Variants in THADA observed in about 807,000 individuals in gnomAD.
THADA encodes THADA armadillo repeat containing.
THADA carries 213 observed loss-of-function variants against 219.8 expected under a neutral mutation model. The ratio of observed to expected loss-of-function variants is 0.97; its 90% CI spans 0.87 to 1.09. THADA has a LOEUF of 1.09. Ranked by LOEUF, THADA falls within the 50% of genes least tolerant of loss-of-function variation. The probability of loss-of-function intolerance (pLI) is 0.00; values close to 1 mark genes in which losing one functional copy is unlikely to be tolerated. For missense variants in THADA, 2,956 were observed against 2,311.3 expected, an observed-to-expected ratio of 1.28 and a Z score of -5.72; for synonymous variants, 1,018 against 828.9, an observed-to-expected ratio of 1.23 and a Z score of -3.92.
chr2:43,266,912 C>T (rs542619348), intron 36 of THADA, among the ~76,000 whole-genome samples: 50 of 152,334 alleles, frequency 3.3e-4, no homozygotes, highest in Admixed American at 1.5e-3. Flanking sequence ...TTCCCCATTC[C>T]TGCTCCCTTC....
intron 30 of THADA, among the ~76,000 whole-genome samples, chr2:43,328,579 C>T (rs746018646): frequency 2.0e-5 from 3 of 152,146 alleles, no homozygotes; most frequent in Non-Finnish European, 2.9e-5. Context: ...AGTGAGAGAC[C>T]GTGAGCTGTT....
chr2:43,519,891 G>T (rs1281278967), intron 22 of THADA, among the ~76,000 whole-genome samples: 1 of 152,176 alleles, frequency 6.6e-6, no homozygotes, highest in East Asian at 1.9e-4. Flanking sequence ...ATAGAGTTCT[G>T]ACTATTCAAT....
intron 29 of THADA, among the ~76,000 whole-genome samples, chr2:43,367,088 T>C (rs1221348384): frequency 1.3e-5 from 2 of 152,122 alleles, no homozygotes; most frequent in Non-Finnish European, 2.9e-5. Context: ...ACAAAAAAGA[T>C]AAATACTGTA....
At chr2:43,312,111 C>A (rs964290018) in intron 31 of THADA, among the ~76,000 whole-genome samples, 1 of 151,560 alleles carries the variant, frequency 6.6e-6, no homozygotes, top group East Asian at 1.9e-4. Flanking sequence ...CCCAGCTACT[C>A]AGGAGGCTGA....
intron 21 of THADA, 144 bp downstream of exon 21, chr2:43,541,015 T>C: frequency 1.2e-6 from 1 of 840,898 alleles, no homozygotes; most frequent in Non-Finnish European, 1.7e-6. Flanking sequence ...ACATTCTAAA[T>C]TACCATGAAC....
At chr2:43,309,098 A>G (rs1677200554) in intron 31 of THADA, among the ~76,000 whole-genome samples, 1 of 152,242 alleles carries the variant, frequency 6.6e-6, no homozygotes, top group Non-Finnish European at 1.5e-5. Flanking sequence ...TATTTAGAAA[A>G]AACTCTTACA....
chr2:43,522,875 C>T (rs544582536), intron 22 of THADA, among the ~76,000 whole-genome samples: 80 of 152,158 alleles, frequency 5.3e-4, no homozygotes, highest in African/African-American at 1.8e-3. Context: ...CAGGCAAGAT[C>T]GCGCCACTGC....
intron 20 of THADA, among the ~76,000 whole-genome samples, chr2:43,547,288 G>A (rs992386427): frequency 2.6e-5 from 4 of 152,100 alleles, no homozygotes; most frequent in African/African-American, 9.7e-5. Flanking sequence ...TTTCTCTCTG[G>A]CTGCCCTTAA....
At chr2:43,439,013 A>G (rs1272853824) in intron 26 of THADA, among the ~76,000 whole-genome samples, 1 of 152,210 alleles carries the variant, frequency 6.6e-6, no homozygotes, top group African/African-American at 2.4e-5. Context: ...GTGATAAGAT[A>G]AAGTGAAGTG....
intron 22 of THADA, among the ~76,000 whole-genome samples, chr2:43,522,639 GTTA>G (rs1692643021): frequency 2.0e-5 from 3 of 152,168 alleles, no homozygotes; most frequent in African/African-American, 2.4e-5. Context: ...ATGACAAAGT[GTTA>G]TTATGAAAAC....
At chr2:43,457,039 T>C (rs1683085312) in intron 26 of THADA, among the ~76,000 whole-genome samples, 1 of 152,088 alleles carries the variant, frequency 6.6e-6, no homozygotes, top group Non-Finnish European at 1.5e-5. Flanking sequence ...TATATACGTG[T>C]GTGTGTGTGC....
intron 22 of THADA, among the ~76,000 whole-genome samples, chr2:43,515,786 C>A (rs974357034): frequency 1.1e-4 from 17 of 152,014 alleles, no homozygotes; most frequent in Non-Finnish European, 1.9e-4. Flanking sequence ...CTGAAATATA[C>A]AAAGATTAAG....
intron 17 of THADA, chr2:43,556,058 G>A (rs1697298596): frequency 1.7e-6 from 1 of 590,644 alleles, no homozygotes; most frequent in African/African-American, 2.0e-5. Context: ...ATTTATGTAG[G>A]GAAAAAAGCA....
chr2:43,549,814 A>G (rs1350529567), intron 19 of THADA, among the ~76,000 whole-genome samples: 2 of 152,098 alleles, frequency 1.3e-5, no homozygotes, highest in Non-Finnish European at 2.9e-5. Flanking sequence ...ATAAATAAAT[A>G]TAAAAAATAG....
Position 43,313,932 on chromosome 2 carries a change from C to T in THADA, c.4438+6514G>A, listed in dbSNP as rs116097055. 9.5e-3 allele frequency among the ~76,000 whole-genome samples: 1,452 copies of T among 152,358 alleles called. 14 individuals carry two copies. Among genetic ancestry groups the T allele is most frequent in the Non-Finnish European group, 0.016 (1,073 of 68,040 alleles). Reference sequence around the variant, plus strand: ...CACACATGGGATGTTAGGCACTTCTCGCTATGCCTCAGTTTCTGTGGTCTC... The same window carrying T: ...CACACATGGGATGTTAGGCACTTCTTGCTATGCCTCAGTTTCTGTGGTCTC... On this transcript the variant is annotated intron_variant, in intron 31 of 37. Coordinates refer to ENST00000405975, the MANE Select transcript of THADA (RefSeq NM_022065.5).
chr2:43,496,045 C>A (rs1053690491), intron 25 of THADA, among the ~76,000 whole-genome samples: 9 of 152,142 alleles, frequency 5.9e-5, no homozygotes, highest in Admixed American at 1.3e-4. Flanking sequence ...GCTTTCACTG[C>A]AAAATACTTA....
chr2:43,250,482 C>T lies in THADA; in HGVS notation c.5297-17600G>A, dbSNP rs573047261. Among the ~76,000 whole-genome samples the T allele has an allele frequency of 1.1e-4, 17 of 152,092 alleles. No homozygotes were observed. The South Asian group carries it at 1.5e-3, about 13-fold the overall frequency. On this transcript the variant is annotated intron_variant, in intron 36 of 37. Transcript: ENST00000405975. ...ACTAGATAGTGGTAATGACTGCACA[C>T]GACTGTAAAAGTACTAAACGCTACT...
intron 26 of THADA, among the ~76,000 whole-genome samples, chr2:43,451,976 G>A (rs1052940512): frequency 8.5e-5 from 13 of 152,066 alleles, no homozygotes; most frequent in South Asian, 4.2e-4. Flanking sequence ...GCGTGATGGC[G>A]CATACCTGTA....
At chr2:43,380,268 T>C (rs957086346) in intron 29 of THADA, among the ~76,000 whole-genome samples, 1 of 152,242 alleles carries the variant, frequency 6.6e-6, no homozygotes, top group Non-Finnish European at 1.5e-5. Flanking sequence ...AAAATGATGT[T>C]CTGACTAGAA....
Sources: gnomAD v4.1 joint callset for allele counts (sites outside exome capture counted in the v4.1 genomes callset) on GRCh38, gnomAD v4.1.1 for gene constraint, MANE v1.5 for transcripts, NCBI Gene and HGNC (gene_info 2026-07-23, HGNC 2026-07-21) for gene names.